The following QTMAN variants were observed in gnomAD, a reference collection of about 807,000 sequenced individuals.
QTMAN encodes the protein tRNA-queuosine alpha-mannosyltransferase.
At chr2:144,050,886 C>T in the QTMAN span, among the ~76,000 whole-genome samples, 67 of 152,058 alleles carry the variant, frequency 4.4e-4, 1 homozygote, top group Admixed American at 3.7e-3. Flanking sequence ...TCAGTACAGA[C>T]GCACTTTTTT....
At chr2:144,057,294 A>G in the QTMAN span, among the ~76,000 whole-genome samples, 1 of 152,200 alleles carries the variant, frequency 6.6e-6, no homozygotes, top group Admixed American at 6.5e-5. Context: ...CCTTCCATCC[A>G]ACCATCCATT....
the QTMAN span, among the ~76,000 whole-genome samples, chr2:144,080,129 T>A: frequency 3.9e-5 from 6 of 152,200 alleles, no homozygotes; most frequent in African/African-American, 1.2e-4. Flanking sequence ...TCTGTCTAGT[T>A]TACATTCCCA....
chr2:144,017,520 A>G, the QTMAN span, among the ~76,000 whole-genome samples: 1 of 152,218 alleles, frequency 6.6e-6, no homozygotes, highest in Non-Finnish European at 1.5e-5. Flanking sequence ...TCTTATTGTT[A>G]TGAGGCAAAA....
chr2:144,092,330 C>T, the QTMAN span, among the ~76,000 whole-genome samples: 1 of 152,026 alleles, frequency 6.6e-6, no homozygotes, highest in African/African-American at 2.4e-5. Context: ...CGCCCACCAC[C>T]GTGCCTGGCT....
At chr2:144,195,127 A>C in the QTMAN span, among the ~76,000 whole-genome samples, 1 of 152,118 alleles carries the variant, frequency 6.6e-6, no homozygotes. Flanking sequence ...GAATTCTCCC[A>C]AGTTTTGACA....
chr2:143,974,909 T>C, the QTMAN span, among the ~76,000 whole-genome samples: 1 of 152,166 alleles, frequency 6.6e-6, no homozygotes, highest in Non-Finnish European at 1.5e-5. Context: ...CAGCTGCCAA[T>C]CAAGACAACT....
chr2:144,060,385 T>TG, the QTMAN span, among the ~76,000 whole-genome samples: 1 of 152,046 alleles, frequency 6.6e-6, no homozygotes, highest in Non-Finnish European at 1.5e-5. Flanking sequence ...CTCAGCCTCC[T>TG]GAGTAGCTGG....
chr2:144,279,511 A>C, the QTMAN span, among the ~76,000 whole-genome samples: 1 of 152,216 alleles, frequency 6.6e-6, no homozygotes, highest in Non-Finnish European at 1.5e-5. Flanking sequence ...ACAGCCCTTC[A>C]GATACCTGCC....
At chr2:144,295,594 TC>T in the QTMAN span, among the ~76,000 whole-genome samples, 1 of 152,084 alleles carries the variant, frequency 6.6e-6, no homozygotes, top group Non-Finnish European at 1.5e-5. Flanking sequence ...GTTAGCCAGC[TC>T]CCAAGGCAGC....
At chr2:144,078,294 A>G in the QTMAN span, among the ~76,000 whole-genome samples, 1 of 152,240 alleles carries the variant, frequency 6.6e-6, no homozygotes, top group South Asian at 2.1e-4. Flanking sequence ...TGGTGTCACT[A>G]TAGTCCTACA....
the QTMAN span, among the ~76,000 whole-genome samples, chr2:144,253,168 C>T: frequency 4.6e-5 from 7 of 152,250 alleles, no homozygotes; most frequent in East Asian, 1.2e-3. Context: ...TCTCCTGCTG[C>T]CATGTGAAGG....
the QTMAN span, among the ~76,000 whole-genome samples, chr2:144,272,133 C>T: frequency 6.6e-6 from 1 of 152,068 alleles, no homozygotes; most frequent in Admixed American, 6.6e-5. Flanking sequence ...CTACAAATAA[C>T]TCCAAAGAAA....
the QTMAN span, among the ~76,000 whole-genome samples, chr2:144,267,137 G>A: frequency 6.6e-6 from 1 of 152,176 alleles, no homozygotes; most frequent in Admixed American, 6.5e-5. Context: ...TAGAGTTTAG[G>A]TGATAGGCAA....
the QTMAN span, among the ~76,000 whole-genome samples, chr2:144,114,613 A>C: frequency 3.3e-5 from 5 of 152,220 alleles, no homozygotes; most frequent in Non-Finnish European, 7.3e-5. Context: ...AACTCTCAGG[A>C]GAAATTTCCC....
chr2:144,163,428 C>A, the QTMAN span, among the ~76,000 whole-genome samples: 2 of 151,972 alleles, frequency 1.3e-5, no homozygotes, highest in Non-Finnish European at 1.5e-5. Flanking sequence ...AGGCTTTTAC[C>A]TATTGAAGTC....
chr2:144,239,855 G>C, the QTMAN span, among the ~76,000 whole-genome samples: 1 of 152,034 alleles, frequency 6.6e-6, no homozygotes, highest in Non-Finnish European at 1.5e-5. Context: ...CACCAAACTA[G>C]TTATCTCCCT....
chr2:144,313,472 C>G, the QTMAN span, among the ~76,000 whole-genome samples: 1 of 151,950 alleles, frequency 6.6e-6, no homozygotes, highest in South Asian at 2.1e-4. Flanking sequence ...ATGTGAAATA[C>G]AGATTTACAA....
At chr2:144,114,404 GC>G in the QTMAN span, among the ~76,000 whole-genome samples, 7 of 152,078 alleles carry the variant, frequency 4.6e-5, no homozygotes, top group African/African-American at 1.5e-4. Context: ...GGCTCCACTT[GC>G]CAAAATAAAC....
the QTMAN span, among the ~76,000 whole-genome samples, chr2:144,199,574 T>C: frequency 6.6e-6 from 1 of 152,184 alleles, no homozygotes; most frequent in Non-Finnish European, 1.5e-5. Flanking sequence ...GAAGTCATAT[T>C]AGAGTGACTC....
Sources: gnomAD v4.1 joint callset for allele counts (sites outside exome capture counted in the v4.1 genomes callset) on GRCh38, gnomAD v4.1.1 for gene constraint, MANE v1.5 for transcripts, NCBI Gene and HGNC (gene_info 2026-07-23, HGNC 2026-07-21) for gene names.